The following COL25A1 variants were observed in gnomAD, a reference collection of about 807,000 sequenced individuals.
The protein encoded by COL25A1 is collagen type XXV alpha 1 chain.
COL25A1 carries 103 observed loss-of-function variants against 128.4 expected under a neutral mutation model. That is an observed-to-expected ratio of 0.80 (90% confidence interval 0.68 to 0.94). The LOEUF is 0.94. Ranked by LOEUF, COL25A1 falls within the 40% of genes least tolerant of loss-of-function variation. COL25A1 has a pLI of 0.00. For synonymous variants in COL25A1, 279 were observed against 277.2 expected, an observed-to-expected ratio of 1.01 and a Z score of -0.06; for missense variants, 745 against 840.0, an observed-to-expected ratio of 0.89 and a Z score of 1.40.
At chr4:109,019,373 C>CATATATATATATATATATATATAT (rs1271683280) in intron 5 of COL25A1, among the ~76,000 whole-genome samples, 153 of 31,710 alleles carry the variant, frequency 4.8e-3, no homozygotes, top group African/African-American at 7.5e-3. Flanking sequence ...CACACACACA[C>CATATATATATATATATATATATAT]ACATATATAT....
chr4:109,243,240 AG>A (rs1780024868), intron 3 of COL25A1, among the ~76,000 whole-genome samples: 2 of 152,008 alleles, frequency 1.3e-5, no homozygotes, highest in African/African-American at 4.8e-5. Flanking sequence ...ATAACCTTCA[AG>A]TTGAGTCTTC....
At chr4:109,014,990 G>T (rs1031148188) in intron 5 of COL25A1, among the ~76,000 whole-genome samples, 3 of 152,212 alleles carry the variant, frequency 2.0e-5, no homozygotes, top group Non-Finnish European at 2.9e-5. Flanking sequence ...CAGTCCGGCA[G>T]CGCCGAGTCT....
Position 109,241,822 on chromosome 4 carries a change from C to G in COL25A1, c.367+58761G>C, listed in dbSNP as rs1414358618. 8.5e-5 allele frequency among the ~76,000 whole-genome samples: 13 copies of G among 152,068 alleles called. No homozygotes were observed. The South Asian group carries it at 2.7e-3, about 32-fold the overall frequency. On this transcript the variant is annotated intron_variant, in intron 3 of 37. Transcript: ENST00000399132. Reference sequence around the variant, plus strand: ...GTAGAGTTAGTGGAACCTAGTAACCCCAATCTCACTCCCAGACAACTACCT... The same window carrying G: ...GTAGAGTTAGTGGAACCTAGTAACCGCAATCTCACTCCCAGACAACTACCT...
At chr4:109,138,898 G>A (rs945277760) in intron 3 of COL25A1, among the ~76,000 whole-genome samples, 9 of 151,940 alleles carry the variant, frequency 5.9e-5, no homozygotes, top group African/African-American at 2.2e-4. Flanking sequence ...TAGTAGAGAC[G>A]GGGTTTCACC....
intron 8 of COL25A1, among the ~76,000 whole-genome samples, chr4:108,961,572 T>TTCTGTTCTGTTCTGTTCTGTTCTGC (rs1320130060): frequency 9.2e-6 from 1 of 108,248 alleles, no homozygotes; most frequent in Non-Finnish European, 2.2e-5. Context: ...GGTTCTCCTG[T>TTCTGTTCTGTTCTGTTCTGTTCTGC]TCTGTTCTGT....
At chr4:108,951,087 G>A (rs371087467) in intron 8 of COL25A1, among the ~76,000 whole-genome samples, 1 of 152,196 alleles carries the variant, frequency 6.6e-6, no homozygotes, top group East Asian at 1.9e-4. Context: ...GAACACTCAG[G>A]AAATTCTGGT....
chr4:108,971,838 A>C (rs1751942284), intron 8 of COL25A1, among the ~76,000 whole-genome samples: 1 of 152,232 alleles, frequency 6.6e-6, no homozygotes, highest in Non-Finnish European at 1.5e-5. Flanking sequence ...ACATGAAAGT[A>C]AGTTGAATTT....
chr4:109,077,924 A>G (rs1190557708), intron 3 of COL25A1, among the ~76,000 whole-genome samples: 1 of 152,222 alleles, frequency 6.6e-6, no homozygotes, highest in Non-Finnish European at 1.5e-5. Context: ...AAATATAGGT[A>G]TTCAATTCTT....
chr4:109,012,866 C>T (rs1208606067), intron 5 of COL25A1, among the ~76,000 whole-genome samples: 2 of 152,202 alleles, frequency 1.3e-5, no homozygotes, highest in African/African-American at 4.8e-5. Flanking sequence ...AGGCGCGTGG[C>T]ATGGAAATGG....
chr4:109,302,183 G>T lies in COL25A1; in HGVS notation c.-71C>A. ...CGGATACGGACCCCTGCCTTGCTCA[G>T]CGTCCAGACCCGCAGGCGTGCACCA... On this transcript the variant is annotated 5_prime_UTR_variant, in exon 1 of 38. It adds an upstream start codon to the 5' untranslated region. Transcript: ENST00000399132. 1.1e-6 allele frequency: 1 copy of T among 889,600 alleles called. No homozygotes were observed. The highest frequency in any genetic ancestry group is 1.6e-6 in the Non-Finnish European group (1 of 606,742). The allele number at this position is 889,600 out of a possible 1,614,324, so 55.1% of individuals were successfully genotyped here. A position where few individuals can be genotyped will look rare whatever the true frequency, so the allele number is the denominator to read the frequency against.
intron 3 of COL25A1, among the ~76,000 whole-genome samples, chr4:109,095,602 A>G (rs1765326768): frequency 6.6e-6 from 1 of 152,234 alleles, no homozygotes; most frequent in African/African-American, 2.4e-5. Context: ...CAATGCATGC[A>G]CAACTCATTT....
At chr4:109,274,902 C>T (rs1019651414) in intron 3 of COL25A1, among the ~76,000 whole-genome samples, 2 of 152,080 alleles carry the variant, frequency 1.3e-5, no homozygotes, top group East Asian at 1.9e-4. Flanking sequence ...CAGTGTGTGT[C>T]GGCACAGTAA....
chr4:108,940,572 C>T lies in COL25A1; in HGVS notation c.639G>A (p.Gly213=). The change falls in exon 10 of 38, where the codon GGG becomes GGA. Residue 213 remains glycine (G), a synonymous_variant. Transcript: ENST00000399132. ...PGPRGPPGDT[G]KDGPRGMPGV... ...CTGGCATTCCACGGGGGCCATCTTT[C>T]CCTGTGTCCCCAGGTGGCCCTCTTG... 1 of 1,613,746 alleles carries T rather than the reference C, an allele frequency of 6.2e-7. No individual in the cohort carries two copies.
intron 3 of COL25A1, among the ~76,000 whole-genome samples, chr4:109,126,258 T>A (rs1768595686): frequency 6.6e-6 from 1 of 152,192 alleles, no homozygotes; most frequent in Non-Finnish European, 1.5e-5. Flanking sequence ...ACAAACGTAG[T>A]CATCAGAGAT....
At chr4:108,917,072 C>T (rs1744959570) in intron 13 of COL25A1, among the ~76,000 whole-genome samples, 1 of 152,128 alleles carries the variant, frequency 6.6e-6, no homozygotes, top group Admixed American at 6.6e-5. Flanking sequence ...CTCATTGACT[C>T]TATTAGGTAG....
chr4:108,992,542 G>A (rs535585406), intron 6 of COL25A1, among the ~76,000 whole-genome samples: 1 of 152,274 alleles, frequency 6.6e-6, no homozygotes, highest in South Asian at 2.1e-4. Flanking sequence ...TCCCAAGAAA[G>A]CCAAGCCTCA....
chr4:108,918,348 T>G (rs2125896165), intron 12 of COL25A1, 132 bp from the exon 13 acceptor site: 1 of 540,194 alleles, frequency 1.9e-6, no homozygotes, highest in East Asian at 3.2e-5. Context: ...CCTTATCCAC[T>G]GTGTTCAAAT....
intron 3 of COL25A1, among the ~76,000 whole-genome samples, chr4:109,102,434 T>C (rs1765983819): frequency 1.3e-5 from 2 of 152,312 alleles, no homozygotes; most frequent in African/African-American, 4.8e-5. Flanking sequence ...ATAGTCTAGC[T>C]GTTGAATGTT....
At chr4:108,955,162 T>A (rs1212397076) in intron 8 of COL25A1, among the ~76,000 whole-genome samples, 1 of 152,108 alleles carries the variant, frequency 6.6e-6, no homozygotes, top group African/African-American at 2.4e-5. Context: ...CATAAGGGAC[T>A]GTCAATCATT....
Sources: allele counts gnomAD v4.1 joint callset (sites outside exome capture counted in the v4.1 genomes callset), GRCh38; gene constraint gnomAD v4.1.1; transcripts MANE v1.5; gene names NCBI Gene and HGNC (gene_info 2026-07-23, HGNC 2026-07-21).